The following GNB4 variants were observed in gnomAD, a reference collection of about 807,000 sequenced individuals.
The protein encoded by GNB4 is guanine nucleotide-binding protein subunit beta-4.
GNB4 carries 28 observed loss-of-function variants against 45.2 expected under a neutral mutation model. That is an observed-to-expected ratio of 0.62 (90% CI 0.46 to 0.85). The LOEUF is 0.85. Ranked by LOEUF, GNB4 falls within the 40% of genes least tolerant of loss-of-function variation. The pLI, the probability that GNB4 is intolerant of heterozygous loss-of-function variation, is 0.00. For synonymous variants in GNB4, 132 were observed against 143.7 expected, an observed-to-expected ratio of 0.92 and a Z score of 0.58; for missense variants, 321 against 425.4, an observed-to-expected ratio of 0.75 and a Z score of 2.16.
At chr3:179,497,548 T>G in the GNB4 span, among the ~76,000 whole-genome samples, 32 of 152,094 alleles carry the variant, frequency 2.1e-4, no homozygotes, top group South Asian at 6.2e-3. Flanking sequence ...AAGAAGCAAT[T>G]AATAAAATGA....
At chr3:179,526,319 A>G in the GNB4 span, among the ~76,000 whole-genome samples, 96 of 152,300 alleles carry the variant, frequency 6.3e-4, no homozygotes, top group Admixed American at 2.9e-3. Context: ...AGGGGATATG[A>G]TGGCTTAGCT....
chr3:179,458,138 C>T, the GNB4 span, among the ~76,000 whole-genome samples: 1 of 152,152 alleles, frequency 6.6e-6, no homozygotes, highest in Non-Finnish European at 1.5e-5. Flanking sequence ...CTGCTGATCT[C>T]GTGATCCACC....
the GNB4 span, among the ~76,000 whole-genome samples, chr3:179,505,484 G>A: frequency 6.6e-6 from 1 of 152,154 alleles, no homozygotes; most frequent in Non-Finnish European, 1.5e-5. Flanking sequence ...AGAAAAATAT[G>A]TCTATTTAAT....
chr3:179,433,326 A>T (rs1158294956), intron 1 of GNB4, among the ~76,000 whole-genome samples: 1 of 152,200 alleles, frequency 6.6e-6, no homozygotes, highest in African/African-American at 2.4e-5. Context: ...GCTTACCAAC[A>T]GTTCAATGAC....
At chr3:179,437,766 C>G (rs2108614852) in intron 1 of GNB4, 1 of 152,150 alleles carries the variant, frequency 6.6e-6, no homozygotes, top group East Asian at 1.9e-4. Context: ...GGAGGACTGC[C>G]TGGCACAAAG....
At chr3:179,447,346 TAAAAAA>T (rs33953450) in intron 1 of GNB4, among the ~76,000 whole-genome samples, 2 of 121,352 alleles carry the variant, frequency 1.6e-5, no homozygotes, top group African/African-American at 3.2e-5. Context: ...ATCATGGTAT[TAAAAAA>T]AAAAAAAAAA....
intron 1 of GNB4, among the ~76,000 whole-genome samples, chr3:179,449,333 G>C (rs1460923403): frequency 6.6e-6 from 1 of 152,226 alleles, no homozygotes; most frequent in African/African-American, 2.4e-5. Context: ...ACTAGGAGTA[G>C]AGTGGTGAGA....
At chr3:179,403,879 G>C (rs1281863598) in intron 9 of GNB4, among the ~76,000 whole-genome samples, 2 of 151,756 alleles carry the variant, frequency 1.3e-5, no homozygotes, top group Non-Finnish European at 1.5e-5. Context: ...ATCAGTCCAG[G>C]AAGCCCATTT....
chr3:179,419,265 T>C lies in GNB4; in HGVS notation c.203+134A>G, dbSNP rs1714903898. On this transcript the variant is annotated intron_variant, in intron 4 of 9. Coordinates refer to ENST00000232564, the MANE Select transcript of GNB4 (RefSeq NM_021629.4). Reference sequence around the variant, plus strand: ...TAATATTCTTATTGAAAGCAGCATGTTCATCTGAGATGCATTTTCTGCAAA... The same window carrying C: ...TAATATTCTTATTGAAAGCAGCATGCTCATCTGAGATGCATTTTCTGCAAA... 4 of 678,018 alleles carry C rather than the reference T, an allele frequency of 5.9e-6. No homozygotes were observed. The Admixed American group carries it at 7.9e-5, about 13-fold the overall frequency. 42.0% of individuals were successfully genotyped at this position (678,018 alleles called of 1,614,324 possible).
intron 2 of GNB4, among the ~76,000 whole-genome samples, chr3:179,423,786 T>TA (rs35300847): frequency 0.47 from 67,846 of 145,148 alleles, 15,710 homozygotes; most frequent in African/African-American, 0.55. Context: ...CACTCTGATT[T>TA]AAAAAAAAAA....
At chr3:179,437,573 CA>C (rs1715489464) in intron 1 of GNB4, among the ~76,000 whole-genome samples, 1 of 148,652 alleles carries the variant, frequency 6.7e-6, no homozygotes, top group African/African-American at 2.5e-5. Flanking sequence ...AAAAAAAAAA[CA>C]AAAACAGACT....
chr3:179,412,358 A>C (rs951563057), intron 8 of GNB4, among the ~76,000 whole-genome samples: 1 of 152,140 alleles, frequency 6.6e-6, no homozygotes, highest in African/African-American at 2.4e-5. Flanking sequence ...GTATGCCTGT[A>C]GTCACAGTAC....
the GNB4 span, among the ~76,000 whole-genome samples, chr3:179,491,377 G>A: frequency 6.6e-6 from 1 of 152,172 alleles, no homozygotes; most frequent in East Asian, 1.9e-4. Flanking sequence ...ATACATTATG[G>A]AAGGTGCTAT....
At chr3:179,460,595 G>T in the GNB4 span, among the ~76,000 whole-genome samples, 2 of 152,176 alleles carry the variant, frequency 1.3e-5, no homozygotes, top group South Asian at 4.1e-4. Flanking sequence ...CTGTAGATTT[G>T]CTCTTTTTTC....
the GNB4 span, among the ~76,000 whole-genome samples, chr3:179,494,907 C>CAA: frequency 6.4e-3 from 215 of 33,552 alleles, 1 homozygote; most frequent in Middle Eastern, 0.028. Context: ...GACTCTGTCT[C>CAA]AAAAAAAAAA....
rs558748837 is a variant in GNB4 at position 179,424,690 on chromosome 3, G to A, written c.57+1454C>T. ...TGTGATCATGGTTCACTGCAGCCTC[G>A]AACTCCTGGACTCAAGCAATCCTCC... On this transcript the variant is annotated intron_variant, in intron 2 of 9. Transcript: ENST00000232564. Among the ~76,000 whole-genome samples, 433 of 152,144 alleles carry A rather than the reference G, an allele frequency of 2.8e-3. 5 individuals are homozygous for A. The highest frequency in any genetic ancestry group is 0.01 in the African/African-American group (421 of 41,496).
At chr3:179,455,870 C>CT (rs1369227451), upstream of GNB4, among the ~76,000 whole-genome samples, 3 of 152,180 alleles carry the variant, frequency 2.0e-5, no homozygotes, top group Non-Finnish European at 4.4e-5. Context: ...TGGCTGCTAG[C>CT]TGGAAGATCA....
At chr3:179,478,853 C>T in the GNB4 span, among the ~76,000 whole-genome samples, 1 of 152,188 alleles carries the variant, frequency 6.6e-6, no homozygotes, top group Admixed American at 6.5e-5. Flanking sequence ...GTGATGTTCT[C>T]ATCATAGAGT....
chr3:179,470,875 T>C, the GNB4 span, among the ~76,000 whole-genome samples: 1 of 152,162 alleles, frequency 6.6e-6, no homozygotes, highest in African/African-American at 2.4e-5. Context: ...TTTAAAAGTA[T>C]ACAAAGTAAA....
Sources: allele counts gnomAD v4.1 joint callset (sites outside exome capture counted in the v4.1 genomes callset), GRCh38; gene constraint gnomAD v4.1.1; transcripts MANE v1.5; gene names NCBI Gene and HGNC (gene_info 2026-07-23, HGNC 2026-07-21).